Variants in TMEM150A observed in about 807,000 individuals in gnomAD.
TMEM150A encodes transmembrane protein 150A, also known as fasting-inducible integral membrane protein TM6P1.
Under a neutral mutation model 29.8 loss-of-function variants are expected in TMEM150A, and 18 were observed. That is an observed-to-expected ratio of 0.60 (90% confidence interval 0.42 to 0.90). The LOEUF is 0.90. Among genes scored for constraint, TMEM150A ranks in the 40% least tolerant of loss-of-function variants. TMEM150A has a pLI of 0.00. For synonymous variants in TMEM150A, 127 were observed against 143.6 expected, an observed-to-expected ratio of 0.88 and a Z score of 0.83; for missense variants, 251 against 349.7, an observed-to-expected ratio of 0.72 and a Z score of 2.25.
At chr2:85,600,822 A>G in intron 4 of TMEM150A, 199 bp downstream of exon 4, 1 of 573,992 alleles carries the variant, frequency 1.7e-6, no homozygotes, top group Non-Finnish European at 3.1e-6. Context: ...TACCTGCCTC[A>G]CTCCTGGGAG....
In TMEM150A at chr2:85,601,446, A is replaced by G. The variant is rs1573362313; in HGVS notation, c.102T>C (p.Pro34=). ...AMAVMNHHVC[P]VENWSYNESC... ...AGAGTCCTTCATACCAGTTCTCCAC[A>G]GGGCATACATGGTGGTTCATCACAG... The change falls in exon 3 of 8, where the codon CCT becomes CCC. Residue 34 remains proline (P), a synonymous_variant. Transcript: ENST00000334462. This position sits in a 1 kb window ranked among gnomAD's most constrained non-coding sequence, Gnocchi z 4.0. 6.2e-7 allele frequency: 1 copy of G among 1,613,616 alleles called. No homozygotes were observed. Among genetic ancestry groups the G allele is most frequent in the South Asian group, 1.1e-5 (1 of 91,056 alleles).
chr2:85,599,996 G>A lies in TMEM150A; in HGVS notation c.291C>T (p.Arg97=), dbSNP rs1460441778. ...AFMVALICLL[R]YGQLLEQSRH... ...GACTCTGCTCCAGGAGCTGCCCGTA[G>A]CGCAGGAGGCAGATCAGGGCCACTG... is the stretch of plus-strand genomic sequence containing the variant. Residue 97 remains arginine (R), a synonymous_variant, in exon 6 of 8, where the codon CGC becomes CGT. Transcript: ENST00000334462. The surrounding 1 kb of genome is among the most constrained non-coding windows in gnomAD (Gnocchi z 6.0). The A allele has an allele frequency of 1.2e-6, 2 of 1,612,998 alleles. No individual in the cohort carries two copies. The highest frequency in any genetic ancestry group is 3.3e-5 in the Admixed American group (2 of 60,026).
At position 85,601,498 on chromosome 2, in the gene TMEM150A, T is replaced by G. The variant is rs769896497; in HGVS notation, c.66-16A>C. The G allele has an allele frequency of 1.2e-6, 2 of 1,609,284 alleles. No homozygotes were observed. Among genetic ancestry groups the G allele is most frequent in the African/African-American group, 1.3e-5 (1 of 74,968 alleles). On this transcript the variant is annotated splice_polypyrimidine_tract_variant and intron_variant, in intron 2 of 7. Coordinates refer to ENST00000334462, the MANE Select transcript of TMEM150A (RefSeq NM_001031738.3). This position sits in a 1 kb window ranked among gnomAD's most constrained non-coding sequence, Gnocchi z 4.0. Reference sequence around the variant, plus strand: ...CATGGCATACCTGTGGGAACAGAACTGTCACCCTGGCAGCCTTCCCGAGCC... The same window carrying G: ...CATGGCATACCTGTGGGAACAGAACGGTCACCCTGGCAGCCTTCCCGAGCC...
chr2:85,599,168 G>C lies in TMEM150A; in HGVS notation c.724C>G (p.Gln242Glu), dbSNP rs1672785278. ...VSSDTLVAAL[Q>E]PTPGRACKSS... ...TTGCAGGCCCGGCCAGGGGTAGGCT[G>C]CAGTGCAGCCACCAGTGTGTCTGAG... The change falls in exon 8 of 8, where the codon CAG becomes GAG. Residue 242 changes from glutamine (Q) to glutamate (E), a missense_variant. Coordinates refer to ENST00000334462, the MANE Select transcript of TMEM150A (RefSeq NM_001031738.3). This position sits in a 1 kb window ranked among gnomAD's most constrained non-coding sequence, Gnocchi z 6.0. 1 of 1,613,728 alleles carries C rather than the reference G, an allele frequency of 6.2e-7. No homozygotes were observed. Among genetic ancestry groups the C allele is most frequent in the Non-Finnish European group, 8.5e-7 (1 of 1,180,014 alleles).
At position 85,601,920 on chromosome 2, in the gene TMEM150A, C is replaced by A. The variant is rs536617573; in HGVS notation, c.29G>T (p.Ser10Ile). MTAWILLPV[S>I]LSAFSITGIW... The stretch of plus-strand genomic sequence containing the variant: ...GCCAGTGATGGAGAACGCTGACAGG[C>A]TGACAGGCAGGAGGATCCAGGCGGT... The change falls in exon 2 of 8, where the codon AGC (serine) becomes ATC (isoleucine). Residue 10 changes from serine (S) to isoleucine (I), a missense_variant. Physicochemically the swap from Ser to Ile is moderately radical, Grantham distance 142. Transcript: ENST00000334462. This position sits in a 1 kb window ranked among gnomAD's most constrained non-coding sequence, Gnocchi z 4.0. The A allele has an allele frequency of 2.8e-5, 46 of 1,614,086 alleles. No individual in the cohort carries two copies. In the African/African-American group the frequency reaches 4.4e-4, roughly 15 times the overall value.
Position 85,598,978 on chromosome 2 carries a change from C to A in TMEM150A, c.*98G>T, listed in dbSNP as rs1672771211. On this transcript the variant is annotated 3_prime_UTR_variant, in exon 8 of 8. Transcript: ENST00000334462. ...AGAAGTGAGGAAGCCCAGATCCCAACAGAATACTTTCTCAAAATTGTTTTT... is the reference window on the plus strand; with the variant it reads ...AGAAGTGAGGAAGCCCAGATCCCAAAAGAATACTTTCTCAAAATTGTTTTT... 15 of 1,512,746 alleles carry A rather than the reference C, an allele frequency of 9.9e-6. 1 individual carries two copies. The Admixed American group carries it at 3.1e-4, about 31-fold the overall frequency. The allele number at this position is 1,512,746 out of a possible 1,614,324, so 93.7% of individuals were successfully genotyped here.
rs753313509 is a variant in TMEM150A, at chr2:85,601,015, C to T, written c.200+6G>A. ...CTCCCTGACCGGCCCAATGTCCAGG[C>T]CTTACCTGATGAGGGGGACATCGTC... On this transcript the variant is annotated splice_donor_region_variant and intron_variant, in intron 4 of 7. Transcript: ENST00000334462. This position sits in a 1 kb window ranked among gnomAD's most constrained non-coding sequence, Gnocchi z 4.0. The T allele has an allele frequency of 6.2e-7, 1 of 1,612,300 alleles. No homozygotes were observed. The highest frequency in any genetic ancestry group is 2.2e-5 in the East Asian group (1 of 44,876).
chr2:85,599,374 T>C lies in TMEM150A; in HGVS notation c.575-57A>G. On this transcript the variant is annotated intron_variant, in intron 7 of 7. Coordinates refer to ENST00000334462, the MANE Select transcript of TMEM150A (RefSeq NM_001031738.3). This position sits in a 1 kb window ranked among gnomAD's most constrained non-coding sequence, Gnocchi z 6.0. ...ACATACGGAAACCTGGCAACACCCC[T>C]TCTGCAGTCTCAGGCCTCACCTCTC... is the stretch of plus-strand genomic sequence containing the variant. 1.2e-6 allele frequency: 2 copies of C among 1,602,966 alleles called. No homozygotes were observed. Among genetic ancestry groups the C allele is most frequent in the Admixed American group, 3.4e-5 (2 of 59,410 alleles).
At chr2:85,600,831 A>C in intron 4 of TMEM150A, 190 bp downstream of exon 4, 1 of 589,074 alleles carries the variant, frequency 1.7e-6, no homozygotes, top group Non-Finnish European at 3.0e-6. Flanking sequence ...CACTCCTGGG[A>C]GGATGAAAAG....
At position 85,598,857 on chromosome 2, in the gene TMEM150A, C is replaced by G; in HGVS notation, c.*219G>C. 2 of 650,510 alleles carry G rather than the reference C, an allele frequency of 3.1e-6. No homozygotes were observed. The highest frequency in any genetic ancestry group is 5.0e-6 in the Non-Finnish European group (2 of 396,466). 40.3% of individuals were successfully genotyped at this position (650,510 alleles called of 1,614,324 possible). A position where few individuals can be genotyped will look rare whatever the true frequency, so the allele number is the denominator to read the frequency against. On this transcript the variant is annotated 3_prime_UTR_variant, in exon 8 of 8. Coordinates refer to ENST00000334462, the MANE Select transcript of TMEM150A (RefSeq NM_001031738.3). ...GGACAGGTGACCTTTAAAAACAAAA[C>G]GACACCGTGGGGTGGGGAAGCAGGT...
rs1331793282 is a variant in TMEM150A, at chr2:85,599,758, C to A, written c.397-56G>T. The A allele has an allele frequency of 6.9e-6, 11 of 1,593,044 alleles. No homozygotes were observed. Among genetic ancestry groups the A allele is most frequent in the African/African-American group, 1.3e-5 (1 of 74,176 alleles). On this transcript the variant is annotated intron_variant, in intron 6 of 7. Transcript: ENST00000334462. This position sits in a 1 kb window ranked among gnomAD's most constrained non-coding sequence, Gnocchi z 6.0. ...TGGCCATGGCCCCACCTCTCCACCCCTCCTTCAATGAATCTCCTCTCTCCC... is the reference window on the plus strand; with the variant it reads ...TGGCCATGGCCCCACCTCTCCACCCATCCTTCAATGAATCTCCTCTCTCCC...
In TMEM150A at chr2:85,599,392, C is replaced by T; in HGVS notation, c.575-75G>A. The T allele has an allele frequency of 1.9e-6, 3 of 1,592,228 alleles. No homozygotes were observed. Among genetic ancestry groups the T allele is most frequent in the Non-Finnish European group, 2.6e-6 (3 of 1,167,574 alleles). The stretch of plus-strand genomic sequence containing the variant: ...ACACCCCTTCTGCAGTCTCAGGCCT[C>T]ACCTCTCCAAAGGGAGAGGTGTTAG... On this transcript the variant is annotated intron_variant, in intron 7 of 7. Coordinates refer to ENST00000334462, the MANE Select transcript of TMEM150A (RefSeq NM_001031738.3). The surrounding 1 kb of genome is among the most constrained non-coding windows in gnomAD (Gnocchi z 6.0).
chr2:85,599,782 C>T lies in TMEM150A; in HGVS notation c.397-80G>A. On this transcript the variant is annotated intron_variant, in intron 6 of 7. Coordinates refer to ENST00000334462, the MANE Select transcript of TMEM150A (RefSeq NM_001031738.3). The surrounding 1 kb of genome is among the most constrained non-coding windows in gnomAD (Gnocchi z 6.0). ...CCTCCTTCAATGAATCTCCTCTCTC[C>T]CTCTTCCTTCCTCTCCCTCTTTCCA... is the stretch of plus-strand genomic sequence containing the variant. 2 of 1,597,124 alleles carry T rather than the reference C, an allele frequency of 1.3e-6. No individual in the cohort carries two copies. The highest frequency in any genetic ancestry group is 1.7e-6 in the Non-Finnish European group (2 of 1,170,752).
rs536617573 is a variant in TMEM150A, at chr2:85,601,920, C to T, written c.29G>A (p.Ser10Asn). The change falls in exon 2 of 8, where the codon AGC becomes AAC. Residue 10 changes from serine to asparagine, a missense_variant. Ser to Asn is a conservative substitution (Grantham distance 46). Coordinates refer to ENST00000334462, the MANE Select transcript of TMEM150A (RefSeq NM_001031738.3). This position sits in a 1 kb window ranked among gnomAD's most constrained non-coding sequence, Gnocchi z 4.0. ...GCCAGTGATGGAGAACGCTGACAGG[C>T]TGACAGGCAGGAGGATCCAGGCGGT... MTAWILLPV[S>N]LSAFSITGIW... 1 of 1,614,086 alleles carries T rather than the reference C, an allele frequency of 6.2e-7. No homozygotes were observed.
rs775419489 is a variant in TMEM150A, at chr2:85,599,244, G to A, written c.648C>T (p.Ile216=). 7 of 1,613,850 alleles carry A rather than the reference G, an allele frequency of 4.3e-6. No homozygotes were observed. In the East Asian group the frequency reaches 6.7e-5, roughly 15 times the overall value. The change falls in exon 8 of 8, where the codon ATC becomes ATT. Residue 216 remains isoleucine, a synonymous_variant. Coordinates refer to ENST00000334462, the MANE Select transcript of TMEM150A (RefSeq NM_001031738.3). The surrounding 1 kb of genome is among the most constrained non-coding windows in gnomAD (Gnocchi z 6.0). ...GAALCEWVCV[I]DILIFYGTFS... ...AGGTGCCATAGAAAATGAGGATATC[G>A]ATGACACACACCCACTCACACAGGG... is the stretch of plus-strand genomic sequence containing the variant.
Position 85,598,941 on chromosome 2 carries a change from G to T in TMEM150A, c.*135C>A. 1 of 1,313,236 alleles carries T rather than the reference G, an allele frequency of 7.6e-7. No homozygotes were observed. Among genetic ancestry groups the T allele is most frequent in the Non-Finnish European group, 1.0e-6 (1 of 975,398 alleles). 81.3% of individuals were successfully genotyped at this position (1,313,236 alleles called of 1,614,324 possible). A position where few individuals can be genotyped will look rare whatever the true frequency, so the allele number is the denominator to read the frequency against. ...TCCATGGCACAGGTGGGCATGGGAT[G>T]GCCACTTCTCCAGAAGTGAGGAAGC... On this transcript the variant is annotated 3_prime_UTR_variant, in exon 8 of 8. Coordinates refer to ENST00000334462, the MANE Select transcript of TMEM150A (RefSeq NM_001031738.3).
Position 85,599,277 on chromosome 2 carries a change from A to G in TMEM150A, c.615T>C (p.His205=), listed in dbSNP as rs34818072. Residue 205 remains histidine (H), a synonymous_variant, in exon 8 of 8, where the codon CAT becomes CAC. Coordinates refer to ENST00000334462, the MANE Select transcript of TMEM150A (RefSeq NM_001031738.3). The surrounding 1 kb of genome is among the most constrained non-coding windows in gnomAD (Gnocchi z 6.0). ...ACACCCACTCACACAGGGCTGCCCC[A>G]TGTTGCAGCTGAGAACTCTCATGGA... ...FFVHESSQLQ[H]GAALCEWVCV... 3.7e-5 allele frequency: 59 copies of G among 1,614,112 alleles called. No homozygotes were observed. In the African/African-American group the frequency reaches 6.9e-4, roughly 19 times the overall value.
At chr2:85,600,907 T>G in intron 4 of TMEM150A, 114 bp downstream of exon 4, 1 of 920,646 alleles carries the variant, frequency 1.1e-6, no homozygotes. Flanking sequence ...AGTGTTGTTA[T>G]TAAGTGGCTC....
rs1169515249 is a variant in TMEM150A at position 85,601,445 on chromosome 2, C to T, written c.103G>A (p.Val35Met). ...CAGAGTCCTTCATACCAGTTCTCCA[C>T]AGGGCATACATGGTGGTTCATCACA... ...MAVMNHHVCP[V>M]ENWSYNESCP... The change falls in exon 3 of 8, where the codon GTG becomes ATG. Residue 35 changes from valine (V) to methionine (M), a missense_variant. By Grantham distance (21) the Val-to-Met change is conservative. Transcript: ENST00000334462. This position sits in a 1 kb window ranked among gnomAD's most constrained non-coding sequence, Gnocchi z 4.0. The T allele has an allele frequency of 1.2e-6, 2 of 1,613,610 alleles. No homozygotes were observed. Among genetic ancestry groups the T allele is most frequent in the Non-Finnish European group, 1.7e-6 (2 of 1,179,966 alleles).
Sources: gnomAD v4.1 joint callset for allele counts on GRCh38, gnomAD v4.1.1 for gene constraint, Gnocchi (gnomAD v3.1) non-coding constraint, MANE v1.5 for transcripts, NCBI Gene and HGNC (gene_info 2026-07-23, HGNC 2026-07-21) for gene names.